The following DLG2 variants were observed in gnomAD, a reference collection of about 807,000 sequenced individuals.
The protein encoded by DLG2 is disks large homolog 2.
In DLG2, 45 loss-of-function variants were observed where a neutral mutation model predicts 132.5. The ratio of observed to expected loss-of-function variants is 0.34; its 90% CI spans 0.27 to 0.44. The LOEUF (loss-of-function observed/expected upper bound fraction) is 0.44, where lower values mean the gene tolerates loss of function less well. DLG2 is among the 20% of genes least tolerant of loss of function. The pLI, the probability that DLG2 is intolerant of heterozygous loss-of-function variation, is 1.00. For synonymous variants in DLG2, 424 were observed against 419.6 expected (o/e 1.01, Z -0.13); for missense variants, 1,045 against 1,196.9 (o/e 0.87, Z 1.87).
intron 19 of DLG2, among the ~76,000 whole-genome samples, chr11:83,605,629 C>A (rs2059226359): frequency 6.6e-6 from 1 of 152,152 alleles, no homozygotes; most frequent in Non-Finnish European, 1.5e-5. Context: ...GTAACTGAGA[C>A]TCGAAGAGTT....
At chr11:85,105,437 T>C (rs1338025359) in intron 6 of DLG2, among the ~76,000 whole-genome samples, 3 of 152,022 alleles carry the variant, frequency 2.0e-5, no homozygotes, top group African/African-American at 7.2e-5. Flanking sequence ...ATCTTCTCTA[T>C]ACTTTCATTG....
chr11:84,704,875 A>G (rs981806741), intron 6 of DLG2, among the ~76,000 whole-genome samples: 1 of 149,658 alleles, frequency 6.7e-6, no homozygotes, highest in Non-Finnish European at 1.5e-5. Context: ...ACACACACAC[A>G]TATATATACA....
chr11:84,386,106 A>T (rs2154435947), intron 7 of DLG2, among the ~76,000 whole-genome samples: 1 of 152,106 alleles, frequency 6.6e-6, no homozygotes, highest in Admixed American at 6.6e-5. Flanking sequence ...GAATATATGT[A>T]TTTGTATTTC....
At chr11:84,968,066 T>C (rs184239177) in intron 6 of DLG2, among the ~76,000 whole-genome samples, 4 of 152,128 alleles carry the variant, frequency 2.6e-5, no homozygotes, top group Admixed American at 6.6e-5. Context: ...TTTATATGAA[T>C]AGAAGTTTAT....
rs891043631 is a variant in DLG2, at chr11:85,235,119, T to C, written c.186+50101A>G. On this transcript the variant is annotated intron_variant, in intron 4 of 27. Coordinates refer to ENST00000376104, the MANE Select transcript of DLG2 (RefSeq NM_001142699.3). Reference sequence around the variant, plus strand: ...TAAGGCAGATGGATTAATTTCAAAATCAATATTGGCCAGTATATTCAACCA... The same window carrying C: ...TAAGGCAGATGGATTAATTTCAAAACCAATATTGGCCAGTATATTCAACCA... 4.6e-5 allele frequency among the ~76,000 whole-genome samples: 7 copies of C among 152,104 alleles called. No homozygotes were observed. In the East Asian group the frequency reaches 1.4e-3, roughly 29 times the overall value.
At chr11:84,672,140 C>T (rs2153693975) in intron 6 of DLG2, among the ~76,000 whole-genome samples, 1 of 152,224 alleles carries the variant, frequency 6.6e-6, no homozygotes, top group East Asian at 1.9e-4. Flanking sequence ...TAAGTAAACT[C>T]ATGGAAACAT....
intron 15 of DLG2, among the ~76,000 whole-genome samples, chr11:83,898,595 A>G (rs2072476214): frequency 6.6e-6 from 1 of 152,072 alleles, no homozygotes; most frequent in African/African-American, 2.4e-5. Flanking sequence ...ATTACTTTCT[A>G]TGAGATATTA....
chr11:84,837,007 C>T (rs573926201), intron 6 of DLG2, among the ~76,000 whole-genome samples: 17 of 151,868 alleles, frequency 1.1e-4, no homozygotes, highest in East Asian at 3.9e-4. Flanking sequence ...CTATCCCTCC[C>T]GCCTCTCCCC....
At chr11:84,197,835 G>A (rs1170869450) in intron 8 of DLG2, among the ~76,000 whole-genome samples, 1 of 152,074 alleles carries the variant, frequency 6.6e-6, no homozygotes, top group African/African-American at 2.4e-5. Flanking sequence ...TTATAGGTCA[G>A]CCTAGAGTTT....
intron 17 of DLG2, among the ~76,000 whole-genome samples, chr11:83,817,965 C>T (rs1035858163): frequency 7.9e-5 from 12 of 152,204 alleles, no homozygotes; most frequent in South Asian, 2.1e-4. Context: ...GTTCAAAAAC[C>T]CTTCAGTGCA....
chr11:83,960,922 C>A (rs1412736268), intron 14 of DLG2, among the ~76,000 whole-genome samples: 4 of 151,906 alleles, frequency 2.6e-5, no homozygotes, highest in Non-Finnish European at 5.9e-5. Flanking sequence ...TGCCAGGCAC[C>A]AACCATTCTG....
chr11:84,642,984 T>C (rs1418525699), intron 6 of DLG2, among the ~76,000 whole-genome samples: 1 of 152,244 alleles, frequency 6.6e-6, no homozygotes, highest in Non-Finnish European at 1.5e-5. Context: ...CCAGTATTTT[T>C]TTTCTTCTCT....
At position 84,595,045 on chromosome 11, in the gene DLG2, G is replaced by A. The variant is rs538773209; in HGVS notation, c.358-60314C>T. On this transcript the variant is annotated intron_variant, in intron 6 of 27. Coordinates refer to ENST00000376104, the MANE Select transcript of DLG2 (RefSeq NM_001142699.3). ...AATGTAGGTCGTTGAAAAAATTACA[G>A]CAGCACTTTGTAAAATGGAGATTTG... 2.6e-5 allele frequency among the ~76,000 whole-genome samples: 4 copies of A among 152,240 alleles called. 1 individual carries two copies. Among genetic ancestry groups the A allele is most frequent in the African/African-American group, 9.6e-5 (4 of 41,534 alleles).
At chr11:84,138,803 G>T (rs1347242885) in intron 9 of DLG2, among the ~76,000 whole-genome samples, 1 of 152,044 alleles carries the variant, frequency 6.6e-6, no homozygotes, top group African/African-American at 2.4e-5. Flanking sequence ...ACAAAAATTA[G>T]CCTAGCGTGG....
intron 3 of DLG2, among the ~76,000 whole-genome samples, chr11:85,510,621 A>T (rs1279104213): frequency 6.6e-6 from 1 of 152,224 alleles, no homozygotes; most frequent in Non-Finnish European, 1.5e-5. Flanking sequence ...CACATGAAAA[A>T]TGCTCATCAT....
chr11:85,583,502 A>G (rs2153229566), intron 3 of DLG2, among the ~76,000 whole-genome samples: 1 of 152,104 alleles, frequency 6.6e-6, no homozygotes, highest in South Asian at 2.1e-4. Flanking sequence ...TATATTCTAT[A>G]TGGTATATCT....
At chr11:84,774,639 G>C (rs1021143723) in intron 6 of DLG2, among the ~76,000 whole-genome samples, 2 of 152,006 alleles carry the variant, frequency 1.3e-5, no homozygotes, top group African/African-American at 4.8e-5. Flanking sequence ...AAATAAAGCT[G>C]CACAACTACA....
At chr11:85,135,808 T>C (rs1456636075) in intron 5 of DLG2, among the ~76,000 whole-genome samples, 2 of 152,168 alleles carry the variant, frequency 1.3e-5, no homozygotes, top group African/African-American at 4.8e-5. Context: ...TCTACTTATG[T>C]GGAAACACAA....
At chr11:83,490,075 A>T (rs2093752015) in intron 21 of DLG2, among the ~76,000 whole-genome samples, 1 of 152,038 alleles carries the variant, frequency 6.6e-6, no homozygotes. Context: ...TGTCTTCTGG[A>T]TGCCATTTTC....
Sources: gnomAD v4.1 joint callset for allele counts (sites outside exome capture counted in the v4.1 genomes callset) on GRCh38, gnomAD v4.1.1 for gene constraint, MANE v1.5 for transcripts, NCBI Gene and HGNC (gene_info 2026-07-23, HGNC 2026-07-21) for gene names.